MYH10: variants seen among roughly 807,000 people sequenced by gnomAD.
MYH10 encodes the protein myosin-10.
MYH10 carries 55 observed loss-of-function variants against 257.8 expected under a neutral mutation model. The ratio of observed to expected loss-of-function variants is 0.21; its 90% CI spans 0.17 to 0.27. MYH10 has a LOEUF of 0.27. Among genes scored for constraint, MYH10 ranks in the 10% least tolerant of loss-of-function variants. The probability of loss-of-function intolerance (pLI) is 1.00; values close to 1 mark genes in which losing one functional copy is unlikely to be tolerated. For missense variants in MYH10, 1,631 were observed against 2,500.6 expected (o/e 0.65, Z 7.42); for synonymous variants, 854 against 921.7 (o/e 0.93, Z 1.33).
intron 21 of MYH10, among the ~76,000 whole-genome samples, chr17:8,517,235 T>C (rs927329627): frequency 3.3e-5 from 5 of 152,236 alleles, no homozygotes; most frequent in African/African-American, 1.2e-4. Flanking sequence ...TCTTCAACTT[T>C]CCATGCTACT....
In MYH10 at chr17:8,487,807, A is replaced by G. The variant is rs985749614; in HGVS notation, c.4885-213T>C. On this transcript the variant is annotated intron_variant, in intron 35 of 42. Coordinates refer to ENST00000360416, the MANE Select transcript of MYH10 (RefSeq NM_001256012.3). ...GTCTTTAAACACCACCACCTAGTAC[A>G]AACCATCCCACTGACTGCTACGAGG... 2.0e-5 allele frequency among the ~76,000 whole-genome samples: 3 copies of G among 152,188 alleles called. No homozygotes were observed. In the East Asian group the frequency reaches 5.8e-4, roughly 29 times the overall value.
rs559296061 is a variant in MYH10, at chr17:8,569,143, G to C, written c.756+577C>G. The stretch of plus-strand genomic sequence containing the variant: ...AGACTGAGGAAGGAGGATGCCTTGA[G>C]ACCAGGAGTTGGTGGCTGCAGTGAG... On this transcript the variant is annotated intron_variant, in intron 7 of 42. Coordinates refer to ENST00000360416, the MANE Select transcript of MYH10 (RefSeq NM_001256012.3). This position sits in a 1 kb window ranked among gnomAD's most constrained non-coding sequence, Gnocchi z 4.1. Among the ~76,000 whole-genome samples the C allele has an allele frequency of 4.0e-5, 6 of 151,746 alleles. No individual in the cohort carries two copies. The South Asian group carries it at 1.3e-3, about 32-fold the overall frequency.
At chr17:8,514,626 C>T (rs1302222725) in intron 21 of MYH10, among the ~76,000 whole-genome samples, 1 of 151,330 alleles carries the variant, frequency 6.6e-6, no homozygotes, top group Non-Finnish European at 1.5e-5. Flanking sequence ...AAACCCTCAA[C>T]CCCCCTCCTG....
intron 13 of MYH10, among the ~76,000 whole-genome samples, chr17:8,543,184 T>C (rs2082339675): frequency 1.3e-5 from 2 of 152,166 alleles, no homozygotes; most frequent in African/African-American, 4.8e-5. Flanking sequence ...AAAAAGTGAT[T>C]TTCAATTAAA....
chr17:8,527,085 G>A (rs563955932), intron 17 of MYH10, among the ~76,000 whole-genome samples: 2 of 152,216 alleles, frequency 1.3e-5, no homozygotes, highest in Admixed American at 1.3e-4. Context: ...TAAACAATTT[G>A]GAAACAAATA....
At chr17:8,619,088 G>A (rs992590148) in intron 2 of MYH10, among the ~76,000 whole-genome samples, 2 of 152,154 alleles carry the variant, frequency 1.3e-5, no homozygotes, top group African/African-American at 2.4e-5. Context: ...CCACATGCTC[G>A]TCCTCAAGGC....
chr17:8,511,019 T>TATATATATATATAAATAA (rs1567822899), intron 24 of MYH10: 1 of 3,550 alleles, frequency 2.8e-4, no homozygotes, highest in African/African-American at 3.5e-4. Flanking sequence ...GTACCCCATA[T>TATATATATATATAAATAA]ATATATATAT....
intron 24 of MYH10, chr17:8,511,288 G>A (rs1384358213): frequency 2.0e-5 from 3 of 152,112 alleles, no homozygotes; most frequent in African/African-American, 4.8e-5. Flanking sequence ...GGGAGGCCGA[G>A]GTGGGTGGAT....
At chr17:8,589,475 C>T (rs1370383589) in intron 3 of MYH10, among the ~76,000 whole-genome samples, 1 of 152,182 alleles carries the variant, frequency 6.6e-6, no homozygotes, top group African/African-American at 2.4e-5. Flanking sequence ...AATCATTCAA[C>T]TCTGGGAGAT....
At chr17:8,597,502 T>C in intron 3 of MYH10, among the ~76,000 whole-genome samples, 1 of 152,102 alleles carries the variant, frequency 6.6e-6, no homozygotes, top group East Asian at 1.9e-4. Context: ...CTTATTCTAC[T>C]GTGTATTTCT....
At chr17:8,593,679 G>T (rs1244055172) in intron 3 of MYH10, among the ~76,000 whole-genome samples, 1 of 152,078 alleles carries the variant, frequency 6.6e-6, no homozygotes, top group Non-Finnish European at 1.5e-5. Context: ...AAACACTAAT[G>T]AAAGAAGTCA....
chr17:8,606,618 T>C (rs1457625628), intron 2 of MYH10, among the ~76,000 whole-genome samples: 1 of 152,168 alleles, frequency 6.6e-6, no homozygotes, highest in African/African-American at 2.4e-5. Context: ...AATGAAAGCC[T>C]GCCAAAAAAT....
Position 8,486,683 on chromosome 17 carries a change from T to C in MYH10, c.5046+750A>G, listed in dbSNP as rs532889767. ...CTACATGTCTGTATGTGAAAATGTA[T>C]ACACACACATGTGTAGAGTTACAAG... On this transcript the variant is annotated intron_variant, in intron 36 of 42. Coordinates refer to ENST00000360416, the MANE Select transcript of MYH10 (RefSeq NM_001256012.3). 5.3e-5 allele frequency among the ~76,000 whole-genome samples: 8 copies of C among 152,134 alleles called. No homozygotes were observed. The South Asian group carries it at 1.7e-3, about 32-fold the overall frequency.
At chr17:8,578,395 ACC>A (rs1261839953) in intron 4 of MYH10, among the ~76,000 whole-genome samples, 5 of 151,886 alleles carry the variant, frequency 3.3e-5, no homozygotes, top group Non-Finnish European at 2.9e-5. Context: ...GGCACACGCC[ACC>A]ACGCCTGGCT....
intron 6 of MYH10, among the ~76,000 whole-genome samples, chr17:8,571,196 A>C (rs1373247485): frequency 8.7e-6 from 1 of 115,502 alleles, no homozygotes; most frequent in East Asian, 2.5e-4. Flanking sequence ...TTTTTTTGAG[A>C]CGGAGACTCA....
chr17:8,477,095 G>A lies in MYH10; in HGVS notation c.5707-47C>T. The stretch of plus-strand genomic sequence containing the variant: ...AAAACAAACCAAACTGGTGAATCCA[G>A]TGTCGGCCTCTCTGTACCCCGAGCG... On this transcript the variant is annotated intron_variant, in intron 41 of 42. Transcript: ENST00000360416. The surrounding 1 kb of genome is among the most constrained non-coding windows in gnomAD (Gnocchi z 4.2). 6.2e-7 allele frequency: 1 copy of A among 1,606,516 alleles called. No homozygotes were observed. The highest frequency in any genetic ancestry group is 1.1e-5 in the South Asian group (1 of 90,850).
intron 7 of MYH10, chr17:8,560,759 A>T (rs537716554): frequency 1.5e-5 from 9 of 610,190 alleles, no homozygotes; most frequent in African/African-American, 1.3e-4. Flanking sequence ...AGGTCCTGGC[A>T]TCTTGTCCAT....
At chr17:8,570,723 GC>G (rs1249315301) in intron 6 of MYH10, among the ~76,000 whole-genome samples, 1 of 152,056 alleles carries the variant, frequency 6.6e-6, no homozygotes, top group Admixed American at 6.5e-5. Flanking sequence ...GATACTCTAA[GC>G]AAAAAAGATG....
At chr17:8,503,543 G>A (rs1314514131) in intron 28 of MYH10, among the ~76,000 whole-genome samples, 1 of 152,118 alleles carries the variant, frequency 6.6e-6, no homozygotes, top group African/African-American at 2.4e-5. Flanking sequence ...GCTCTATCGA[G>A]CCGGCCTGCC....
Sources: gnomAD v4.1 joint callset for allele counts (sites outside exome capture counted in the v4.1 genomes callset) on GRCh38, gnomAD v4.1.1 for gene constraint, Gnocchi (gnomAD v3.1) non-coding constraint, MANE v1.5 for transcripts, NCBI Gene and HGNC (gene_info 2026-07-23, HGNC 2026-07-21) for gene names.